Variants in PIK3C2A observed in about 807,000 individuals in gnomAD.
PIK3C2A encodes phosphatidylinositol 4-phosphate 3-kinase C2 domain-containing subunit alpha.
In PIK3C2A, 97 loss-of-function variants were observed where a neutral mutation model predicts 204.5. That is an observed-to-expected ratio of 0.47 (90% confidence interval 0.40 to 0.56). The LOEUF (loss-of-function observed/expected upper bound fraction) is 0.56. Among genes scored for constraint, PIK3C2A ranks in the 20% least tolerant of loss-of-function variants. The pLI, the probability that PIK3C2A is intolerant of heterozygous loss-of-function variation, is 0.00. For synonymous variants in PIK3C2A, 653 were observed against 664.4 expected (o/e 0.98, Z 0.26); for missense variants, 1,735 against 1,969.2 (o/e 0.88, Z 2.25).
chr11:17,110,544 C>T lies in PIK3C2A; in HGVS notation c.3432G>A (p.Arg1144=), dbSNP rs150475903. The change falls in exon 22 of 33, where the codon CGG becomes CGA. Residue 1144 remains arginine, a synonymous_variant. Transcript: ENST00000691414. The part of the protein sequence containing the change: ...NVMFKVGEDL[R]QDMLALQMIK... ...TCATCTGTAAAGCTAACATATCTTG[C>T]CGAAGATCTTCACCAACCTTGAAAT... is the stretch of plus-strand genomic sequence containing the variant. 4.4e-6 allele frequency: 7 copies of T among 1,608,996 alleles called. No individual in the cohort carries two copies. In the African/African-American group the frequency reaches 9.4e-5, roughly 22 times the overall value.
intron 1 of PIK3C2A, among the ~76,000 whole-genome samples, chr11:17,171,400 A>G (rs1252238700): frequency 6.6e-6 from 1 of 152,180 alleles, no homozygotes; most frequent in Non-Finnish European, 1.5e-5. Context: ...TCTACCGTAT[A>G]TGCTCAATAT....
chr11:17,207,577 G>T (rs1340895813), intron 1 of PIK3C2A, among the ~76,000 whole-genome samples: 2 of 152,256 alleles, frequency 1.3e-5, no homozygotes, highest in East Asian at 3.9e-4. Context: ...GCGCACCTCC[G>T]CTCCCGAGAA....
In PIK3C2A at chr11:17,135,023, A is replaced by C. The variant is rs1283514231; in HGVS notation, c.1904T>G (p.Leu635Arg). The C allele has an allele frequency of 6.2e-7, 1 of 1,613,848 alleles. No homozygotes were observed. The part of the protein sequence containing the change: ...DTSRSSTRGS[L>R]NPENPVQVSI... ...TACTTGAACAGGATTTTCAGGATTA[A>C]GTGAGCCTAGATTAAAGAAAAAAAA... is the stretch of plus-strand genomic sequence containing the variant. The change falls in exon 11 of 33, where the codon CTT becomes CGT. Residue 635 changes from leucine (L) to arginine (R), a missense_variant. Transcript: ENST00000691414.
rs1849449662 is a variant in PIK3C2A at position 17,124,244 on chromosome 11, A to G, written c.2400-1431T>C. Reference sequence around the variant, plus strand: ...ATCCTGATCATATTATTTCATCTACAAATACTGTTATATATCTCTAAAAAA... The same window carrying G: ...ATCCTGATCATATTATTTCATCTACGAATACTGTTATATATCTCTAAAAAA... On this transcript the variant is annotated intron_variant, in intron 13 of 32. Coordinates refer to ENST00000691414, the MANE Select transcript of PIK3C2A (RefSeq NM_002645.4). Among the ~76,000 whole-genome samples the G allele has an allele frequency of 2.0e-5, 3 of 152,150 alleles. No individual in the cohort carries two copies. The South Asian group carries it at 6.2e-4, about 32-fold the overall frequency.
At chr11:17,138,306 ACG>A in intron 8 of PIK3C2A, 1 of 580,632 alleles carries the variant, frequency 1.7e-6, no homozygotes, top group Non-Finnish European at 3.1e-6. Flanking sequence ...GCCCCGGAAG[ACG>A]AAAAACAGCC....
chr11:17,178,950 C>T (rs1468554828), intron 1 of PIK3C2A, among the ~76,000 whole-genome samples: 22 of 151,268 alleles, frequency 1.5e-4, no homozygotes, highest in East Asian at 5.8e-4. Flanking sequence ...AGGATGGTCT[C>T]CATCTCCTGA....
intron 1 of PIK3C2A, among the ~76,000 whole-genome samples, chr11:17,205,157 A>T (rs1249067916): frequency 6.6e-6 from 1 of 151,498 alleles, no homozygotes; most frequent in Non-Finnish European, 1.5e-5. Context: ...AGCCTGGGTG[A>T]CGGAGTGAGA....
intron 22 of PIK3C2A, among the ~76,000 whole-genome samples, chr11:17,110,134 G>A (rs953450113): frequency 6.6e-6 from 1 of 151,956 alleles, no homozygotes. Flanking sequence ...TGCATTTTTA[G>A]TAGAAACAGG....
chr11:17,135,641 T>C (rs1297412203), intron 9 of PIK3C2A, among the ~76,000 whole-genome samples: 3 of 151,562 alleles, frequency 2.0e-5, no homozygotes, highest in South Asian at 4.2e-4. Flanking sequence ...CAAAATTAGG[T>C]CCATGGTAGT....
chr11:17,199,451 AAAC>A (rs1344937947), intron 1 of PIK3C2A, among the ~76,000 whole-genome samples: 2 of 152,252 alleles, frequency 1.3e-5, no homozygotes, highest in Non-Finnish European at 2.9e-5. Flanking sequence ...CAAAAGGTGA[AAAC>A]AAATGCAGTA....
intron 1 of PIK3C2A, among the ~76,000 whole-genome samples, chr11:17,181,647 TATATATATATATACACAC>T (rs1851566279): frequency 1.9e-5 from 1 of 51,920 alleles, no homozygotes; most frequent in African/African-American, 1.1e-4. Flanking sequence ...TATATATATA[TATATATATATATACACAC>T]ACACACACAC....
intron 1 of PIK3C2A, among the ~76,000 whole-genome samples, chr11:17,172,179 A>G (rs1851194192): frequency 6.6e-6 from 1 of 152,172 alleles, no homozygotes; most frequent in Non-Finnish European, 1.5e-5. Flanking sequence ...TTCCTCTCAT[A>G]AAGAGGAGGG....
intron 8 of PIK3C2A, among the ~76,000 whole-genome samples, chr11:17,140,967 G>C (rs1181704854): frequency 6.6e-6 from 1 of 152,142 alleles, no homozygotes; most frequent in South Asian, 2.1e-4. Flanking sequence ...ACAGGGAAAA[G>C]CATTTAGAGG....
At chr11:17,113,075 A>C (rs768267540) in intron 20 of PIK3C2A, among the ~76,000 whole-genome samples, 1 of 151,996 alleles carries the variant, frequency 6.6e-6, no homozygotes, top group Non-Finnish European at 1.5e-5. Context: ...GCAATGGTGC[A>C]ATCTCAGCTC....
intron 1 of PIK3C2A, among the ~76,000 whole-genome samples, chr11:17,177,112 T>TA (rs1227206368): frequency 2.0e-5 from 3 of 152,206 alleles, no homozygotes; most frequent in African/African-American, 7.2e-5. Flanking sequence ...CAATGCACTT[T>TA]AAAGTTATCT....
At chr11:17,187,200 A>G (rs1299768816) in intron 1 of PIK3C2A, among the ~76,000 whole-genome samples, 1 of 152,186 alleles carries the variant, frequency 6.6e-6, no homozygotes, top group Non-Finnish European at 1.5e-5. Flanking sequence ...TAAAAAAGAA[A>G]CAAGAAAAAA....
chr11:17,191,724 G>A (rs1198524709), intron 1 of PIK3C2A, among the ~76,000 whole-genome samples: 4 of 152,200 alleles, frequency 2.6e-5, no homozygotes, highest in Non-Finnish European at 5.9e-5. Context: ...TGCAGTTGGT[G>A]TCAGAAGTGA....
chr11:17,191,879 T>C (rs928498979), intron 1 of PIK3C2A, among the ~76,000 whole-genome samples: 1 of 151,432 alleles, frequency 6.6e-6, no homozygotes, highest in Non-Finnish European at 1.5e-5. Context: ...ATGCCTGTAC[T>C]ACGAACACTT....
At chr11:17,154,064 G>A (rs761942893) in intron 3 of PIK3C2A, among the ~76,000 whole-genome samples, 6 of 152,046 alleles carry the variant, frequency 3.9e-5, no homozygotes, top group Non-Finnish European at 8.8e-5. Flanking sequence ...TTGCAGTTTC[G>A]TATCACATTT....
Sources: allele counts gnomAD v4.1 joint callset (sites outside exome capture counted in the v4.1 genomes callset), GRCh38; gene constraint gnomAD v4.1.1; transcripts MANE v1.5; gene names NCBI Gene and HGNC (gene_info 2026-07-23, HGNC 2026-07-21).